The following FBXL17 variants were observed in gnomAD, a reference collection of about 807,000 sequenced individuals.
FBXL17 encodes the protein F-box/LRR-repeat protein 17.
Under a neutral mutation model 66.2 loss-of-function variants are expected in FBXL17, and 22 were observed. That is an observed-to-expected ratio of 0.33 (90% confidence interval 0.24 to 0.47). The LOEUF (loss-of-function observed/expected upper bound fraction) is 0.47, where lower values mean the gene tolerates loss of function less well. Among genes scored for constraint, FBXL17 ranks in the 20% least tolerant of loss-of-function variants. FBXL17 has a pLI of 1.00. For missense variants in FBXL17, 878 were observed against 948.2 expected (o/e 0.93, Z 0.97); for synonymous variants, 474 against 400.5 (o/e 1.18, Z -2.19).
chr5:108,363,937 G>A (rs2112564954), intron 3 of FBXL17, among the ~76,000 whole-genome samples: 1 of 152,066 alleles, frequency 6.6e-6, no homozygotes, highest in African/African-American at 2.4e-5. Context: ...TGCTTTGCTA[G>A]TAAATAATCC....
intron 7 of FBXL17, among the ~76,000 whole-genome samples, chr5:107,882,768 C>A (rs1238508183): frequency 6.6e-6 from 1 of 152,162 alleles, no homozygotes; most frequent in Non-Finnish European, 1.5e-5. Context: ...GTAGGGGATA[C>A]ATAAAATAAA....
intron 8 of FBXL17, chr5:107,879,932 G>A (rs1260231371): frequency 1.0e-6 from 1 of 984,038 alleles, no homozygotes; most frequent in African/African-American, 1.7e-5. Flanking sequence ...AGTATCCTGG[G>A]GCCACTGACT....
intron 5 of FBXL17, among the ~76,000 whole-genome samples, chr5:108,190,525 CTCAATTCATACTTG>C (rs1477244505): frequency 6.6e-6 from 1 of 152,186 alleles, no homozygotes; most frequent in African/African-American, 2.4e-5. Flanking sequence ...CTGGCTTTTA[CTCAATTCATACTTG>C]TCAATAGTCA....
chr5:108,127,669 T>A (rs1260747101), intron 6 of FBXL17, among the ~76,000 whole-genome samples: 1 of 152,198 alleles, frequency 6.6e-6, no homozygotes, highest in Non-Finnish European at 1.5e-5. Context: ...ATAGATTTTT[T>A]AAAATTCTGC....
At position 107,940,995 on chromosome 5, in the gene FBXL17, G is replaced by A. The variant is rs190282961; in HGVS notation, c.1823-59816C>T. Among the ~76,000 whole-genome samples the A allele has an allele frequency of 4.8e-4, 73 of 152,140 alleles. No individual in the cohort carries two copies. In the Middle Eastern group the frequency reaches 0.01, roughly 21 times the overall value. On this transcript the variant is annotated intron_variant, in intron 7 of 8. Transcript: ENST00000542267. ...GGCTTCTAATATCTAATTTATGGGG[G>A]AAGAAAGTGCTTTATTAAACATCTG...
intron 4 of FBXL17, among the ~76,000 whole-genome samples, chr5:108,246,037 CCA>C (rs369589219): frequency 2.0e-5 from 3 of 152,232 alleles, no homozygotes; most frequent in African/African-American, 7.2e-5. Flanking sequence ...TCTGTCTCTC[CCA>C]CACAGTTTCT....
At chr5:107,927,060 C>T (rs1580718869) in intron 7 of FBXL17, among the ~76,000 whole-genome samples, 1 of 152,038 alleles carries the variant, frequency 6.6e-6, no homozygotes, top group Admixed American at 6.6e-5. Flanking sequence ...AAGCTATATA[C>T]AGAACAGGTC....
chr5:108,113,231 G>A (rs1293569303), intron 6 of FBXL17, among the ~76,000 whole-genome samples: 1 of 152,066 alleles, frequency 6.6e-6, no homozygotes, highest in Admixed American at 6.6e-5. Context: ...GACCACATGG[G>A]CATGTGGCTA....
chr5:107,945,554 A>G (rs1751255283), intron 7 of FBXL17, among the ~76,000 whole-genome samples: 1 of 152,182 alleles, frequency 6.6e-6, no homozygotes, highest in African/African-American at 2.4e-5. Context: ...TTAGGACCAC[A>G]TATAACAATG....
chr5:108,138,931 C>T (rs1316420716), intron 6 of FBXL17, among the ~76,000 whole-genome samples: 1 of 152,150 alleles, frequency 6.6e-6, no homozygotes, highest in Non-Finnish European at 1.5e-5. Context: ...AAGAACTAAA[C>T]TTGGGTAAGA....
At chr5:107,893,609 G>C (rs899627369) in intron 7 of FBXL17, among the ~76,000 whole-genome samples, 3 of 152,106 alleles carry the variant, frequency 2.0e-5, no homozygotes, top group Non-Finnish European at 2.9e-5. Context: ...ACAATATTCT[G>C]ATTCCAGTGG....
intron 7 of FBXL17, among the ~76,000 whole-genome samples, chr5:107,968,790 T>C (rs1468311736): frequency 6.6e-6 from 1 of 152,184 alleles, no homozygotes; most frequent in Non-Finnish European, 1.5e-5. Context: ...GCTTGGAGTC[T>C]AGTGGCTCTT....
intron 7 of FBXL17, among the ~76,000 whole-genome samples, chr5:107,935,487 A>T (rs1750875749): frequency 6.6e-6 from 1 of 151,914 alleles, no homozygotes; most frequent in Admixed American, 6.6e-5. Flanking sequence ...TTTTAAAAAA[A>T]GTATTGTCAG....
chr5:107,991,959 T>A (rs1753268306), intron 7 of FBXL17, among the ~76,000 whole-genome samples: 1 of 152,212 alleles, frequency 6.6e-6, no homozygotes, highest in East Asian at 1.9e-4. Flanking sequence ...AAATAAAAAC[T>A]AATTGCTTAA....
At chr5:108,151,480 T>TAATG (rs1751769979) in intron 6 of FBXL17, among the ~76,000 whole-genome samples, 1 of 152,202 alleles carries the variant, frequency 6.6e-6, no homozygotes, top group South Asian at 2.1e-4. Context: ...TTATCAGCTC[T>TAATG]AATGAAGCAA....
intron 6 of FBXL17, among the ~76,000 whole-genome samples, chr5:108,047,524 A>T (rs1366551498): frequency 6.6e-6 from 1 of 152,130 alleles, no homozygotes; most frequent in Non-Finnish European, 1.5e-5. Context: ...AGCACTCATA[A>T]CTGCTTAACA....
chr5:108,093,123 C>T, intron 6 of FBXL17, among the ~76,000 whole-genome samples: 1 of 152,114 alleles, frequency 6.6e-6, no homozygotes, highest in African/African-American at 2.4e-5. Flanking sequence ...TGCATACTTC[C>T]AAGCACCCTT....
At chr5:108,287,414 C>T (rs192155799) in intron 4 of FBXL17, among the ~76,000 whole-genome samples, 19 of 151,656 alleles carry the variant, frequency 1.3e-4, no homozygotes, top group East Asian at 3.9e-4. Context: ...TTAAACAAAT[C>T]GACAAGCAAA....
chr5:107,911,537 T>C (rs947481526), intron 7 of FBXL17, among the ~76,000 whole-genome samples: 18 of 152,094 alleles, frequency 1.2e-4, no homozygotes, highest in African/African-American at 4.1e-4. Flanking sequence ...CTTGCAGCAA[T>C]CTATAAGGTA....
Sources: gnomAD v4.1 joint callset for allele counts (sites outside exome capture counted in the v4.1 genomes callset) on GRCh38, gnomAD v4.1.1 for gene constraint, MANE v1.5 for transcripts, NCBI Gene and HGNC (gene_info 2026-07-23, HGNC 2026-07-21) for gene names.